Variants in PKIB observed in about 807,000 individuals in gnomAD.
The protein encoded by PKIB is PKI-beta.
In PKIB, 2 loss-of-function variants were observed where a neutral mutation model predicts 4.5. The observed-to-expected ratio is 0.44, with a 90% CI of 0.18 to 1.39. The LOEUF (loss-of-function observed/expected upper bound fraction) is 1.39. Ranked by LOEUF, PKIB falls within the 40% of genes most tolerant of loss-of-function variation. The pLI is 0.27. For missense variants in PKIB, 94 were observed against 92.6 expected (o/e 1.02, Z -0.06); for synonymous variants, 38 against 36.0 (o/e 1.06, Z -0.20).
intron 2 of PKIB, among the ~76,000 whole-genome samples, chr6:122,670,769 T>G (rs1777432311): frequency 6.6e-6 from 1 of 152,198 alleles, no homozygotes; most frequent in Admixed American, 6.5e-5. Flanking sequence ...CACATCATTT[T>G]CAATGTCACC....
At chr6:122,626,954 G>GC (rs1252401937) in intron 1 of PKIB, among the ~76,000 whole-genome samples, 1 of 151,838 alleles carries the variant, frequency 6.6e-6, no homozygotes, top group Admixed American at 6.6e-5. Context: ...AATCATCTCG[G>GC]CCGGGCGCGG....
At chr6:122,665,812 C>T (rs970660856) in intron 2 of PKIB, among the ~76,000 whole-genome samples, 1 of 152,134 alleles carries the variant, frequency 6.6e-6, no homozygotes, top group African/African-American at 2.4e-5. Flanking sequence ...TTATCCTCCA[C>T]CCCCTAACCT....
intron 2 of PKIB, among the ~76,000 whole-genome samples, chr6:122,549,055 C>A (rs1772588731): frequency 6.6e-6 from 1 of 152,086 alleles, no homozygotes; most frequent in South Asian, 2.1e-4. Flanking sequence ...CAAATCATAG[C>A]CAAAAAGATA....
Position 122,518,189 on chromosome 6 carries a change from A to G in PKIB, c.-248+40250A>G, listed in dbSNP as rs888245665. On this transcript the variant is annotated intron_variant, in intron 2 of 6. Transcript: ENST00000392491. ...CTATGAAATGTTCTTCTTTGAGCTT[A>G]TTTGCCCAACCATTTAAAAATGTAA... 7.9e-5 allele frequency among the ~76,000 whole-genome samples: 12 copies of G among 152,182 alleles called. No homozygotes were observed. In the East Asian group the frequency reaches 1.9e-3, roughly 25 times the overall value.
intron 2 of PKIB, among the ~76,000 whole-genome samples, chr6:122,673,802 G>C (rs1777558380): frequency 6.6e-6 from 1 of 152,204 alleles, no homozygotes; most frequent in South Asian, 2.1e-4. Context: ...TTAAAAAAAT[G>C]TGTTTGCAGC....
At chr6:122,718,427 T>C (rs1331752816) in intron 4 of PKIB, among the ~76,000 whole-genome samples, 2 of 152,228 alleles carry the variant, frequency 1.3e-5, no homozygotes. Flanking sequence ...GAGATGAGAT[T>C]CTTTCAACAG....
chr6:122,716,883 G>T (rs369327976), intron 3 of PKIB, among the ~76,000 whole-genome samples: 5 of 152,222 alleles, frequency 3.3e-5, no homozygotes, highest in African/African-American at 1.2e-4. Context: ...TTTTGAGAGT[G>T]CAAGTTCCCT....
intron 1 of PKIB, among the ~76,000 whole-genome samples, chr6:122,474,208 C>CA (rs1775391750): frequency 6.6e-6 from 1 of 151,718 alleles, no homozygotes; most frequent in African/African-American, 2.4e-5. Flanking sequence ...GCTAGTATGC[C>CA]AAAAAACAAA....
Position 122,509,026 on chromosome 6 carries a change from G to A in PKIB, c.-248+31087G>A, listed in dbSNP as rs181743332. Among the ~76,000 whole-genome samples, 81 of 152,254 alleles carry A rather than the reference G, an allele frequency of 5.3e-4. 1 individual carries two copies. The highest frequency in any genetic ancestry group is 5.3e-3 in the Admixed American group (81 of 15,296). On this transcript the variant is annotated intron_variant, in intron 2 of 6. Coordinates refer to the PKIB transcript ENST00000392491. ...AGCCTCCCAAAGTGCTGGGATTACA[G>A]GCGTGAGCCACCGCGCCCGGCCTAA...
chr6:122,511,416 C>T (rs1406458268), intron 2 of PKIB, among the ~76,000 whole-genome samples: 5 of 152,202 alleles, frequency 3.3e-5, no homozygotes, highest in South Asian at 2.1e-4. Context: ...TAGCTTTCTC[C>T]GAGTGCCCTG....
intron 3 of PKIB, among the ~76,000 whole-genome samples, chr6:122,701,815 A>G (rs1778821291): frequency 3.3e-5 from 5 of 152,272 alleles, no homozygotes; most frequent in Admixed American, 3.3e-4. Flanking sequence ...CCAACACCCA[A>G]CACTGGACAG....
intron 2 of PKIB, among the ~76,000 whole-genome samples, chr6:122,671,223 C>T (rs368121674): frequency 1.4e-4 from 21 of 150,546 alleles, no homozygotes; most frequent in East Asian, 7.9e-4. Flanking sequence ...ACCCAGGAGG[C>T]GGAGGTTGCA....
At chr6:122,644,795 AT>A (rs1268977823) in intron 2 of PKIB, 1 of 152,320 alleles carries the variant, frequency 6.6e-6, no homozygotes, top group Non-Finnish European at 1.5e-5. Context: ...TATGTGGAGT[AT>A]TAATGATTAT....
At chr6:122,536,102 G>A (rs779438336) in intron 2 of PKIB, among the ~76,000 whole-genome samples, 8 of 152,088 alleles carry the variant, frequency 5.3e-5, no homozygotes, top group Non-Finnish European at 7.4e-5. Flanking sequence ...ACCATGCCCA[G>A]CTAATTTTTG....
chr6:122,502,591 A>T (rs1238962773), intron 2 of PKIB, among the ~76,000 whole-genome samples: 1 of 152,132 alleles, frequency 6.6e-6, no homozygotes, highest in Non-Finnish European at 1.5e-5. Flanking sequence ...CTATCACAAG[A>T]GCAGAAAGGG....
chr6:122,524,265 C>A (rs1777032648), intron 2 of PKIB, among the ~76,000 whole-genome samples: 1 of 148,020 alleles, frequency 6.8e-6, no homozygotes, highest in Non-Finnish European at 1.5e-5. Context: ...TCCTCTTCCT[C>A]CTCCTCCTTC....
At chr6:122,482,802 C>G (rs1374093135) in intron 2 of PKIB, 5 of 152,044 alleles carry the variant, frequency 3.3e-5, no homozygotes, top group Admixed American at 2.0e-4. Flanking sequence ...GTCTTCCTTG[C>G]TCTCCCAGCG....
intron 2 of PKIB, among the ~76,000 whole-genome samples, chr6:122,647,163 A>G (rs1491002888): frequency 6.6e-6 from 1 of 152,180 alleles, no homozygotes; most frequent in Non-Finnish European, 1.5e-5. Context: ...CTCTGGGGCA[A>G]GAGTTCGAGC....
intron 2 of PKIB, among the ~76,000 whole-genome samples, chr6:122,660,775 G>T (rs1191781908): frequency 6.6e-6 from 1 of 152,238 alleles, no homozygotes; most frequent in Non-Finnish European, 1.5e-5. Context: ...GGAAATGTGT[G>T]ATTTCTTCAA....
Sources: gnomAD v4.1 joint callset for allele counts (sites outside exome capture counted in the v4.1 genomes callset) on GRCh38, gnomAD v4.1.1 for gene constraint, MANE v1.5 for transcripts, NCBI Gene and HGNC (gene_info 2026-07-23, HGNC 2026-07-21) for gene names.